The following ABCD3 variants were observed in gnomAD, a reference collection of about 807,000 sequenced individuals.
The protein encoded by ABCD3 is ATP binding cassette subfamily D member 3, also known as ATP-binding cassette sub-family D member 3.
Under a neutral mutation model 105.5 loss-of-function variants are expected in ABCD3, and 41 were observed. That is an observed-to-expected ratio of 0.39 (90% CI 0.30 to 0.50). ABCD3 has a LOEUF of 0.50. ABCD3 is among the 20% of genes least tolerant of loss of function. ABCD3 has a pLI of 0.84. For synonymous variants in ABCD3, 258 were observed against 269.0 expected, an observed-to-expected ratio of 0.96 and a Z score of 0.40; for missense variants, 622 against 806.3, an observed-to-expected ratio of 0.77 and a Z score of 2.77.
chr1:94,428,165 T>G (rs1416038224), intron 1 of ABCD3, among the ~76,000 whole-genome samples: 2 of 152,074 alleles, frequency 1.3e-5, no homozygotes, highest in Non-Finnish European at 2.9e-5. Context: ...TTTGCTAGAT[T>G]AGCAGGCCCG....
At chr1:94,415,222 G>C (rs947140175), upstream of ABCD3, among the ~76,000 whole-genome samples, 109 of 152,270 alleles carry the variant, frequency 7.2e-4, no homozygotes, top group African/African-American at 2.5e-3. Flanking sequence ...TCTGATGTGA[G>C]GGAAATTCCA....
intron 1 of ABCD3, among the ~76,000 whole-genome samples, chr1:94,457,782 G>GT (rs2100958238): frequency 6.6e-6 from 1 of 152,236 alleles, no homozygotes; most frequent in African/African-American, 2.4e-5. Flanking sequence ...GCTTGCATCA[G>GT]TTTGAGTTCT....
the ABCD3 span, among the ~76,000 whole-genome samples, chr1:94,411,732 A>AAC: frequency 1.3e-5 from 2 of 152,222 alleles, no homozygotes; most frequent in Non-Finnish European, 2.9e-5. Flanking sequence ...ACCAAAAGGT[A>AAC]GAAACAACCC....
At chr1:94,474,741 A>T (rs1570792786) in intron 5 of ABCD3, among the ~76,000 whole-genome samples, 1 of 151,902 alleles carries the variant, frequency 6.6e-6, no homozygotes, top group East Asian at 1.9e-4. Context: ...TTTTTTAACA[A>T]ATGCAAATAT....
the ABCD3 span, among the ~76,000 whole-genome samples, chr1:94,403,011 A>G: frequency 7.8e-6 from 1 of 128,652 alleles, no homozygotes; most frequent in Non-Finnish European, 1.6e-5. Flanking sequence ...TGTCCATGTG[A>G]TCTCATTGTT....
chr1:94,427,722 GC>G lies in ABCD3; in HGVS notation c.110+9136del, dbSNP rs564588865. Among the ~76,000 whole-genome samples the G allele has an allele frequency of 2.6e-5, 4 of 152,284 alleles. No homozygotes were observed. In the South Asian group the frequency reaches 8.3e-4, roughly 32 times the overall value. The stretch of plus-strand genomic sequence containing the variant: ...ATTTCTGGTCTCCAAGCGATCGCCT[GC>G]CTTGTTCTCCCAAAAGTATCAGGAT... On this transcript the variant is annotated intron_variant, in intron 1 of 22. Transcript: ENST00000370214.
chr1:94,391,377 G>A, the ABCD3 span, among the ~76,000 whole-genome samples: 1 of 152,108 alleles, frequency 6.6e-6, no homozygotes, highest in Admixed American at 6.5e-5. Context: ...TCGTCAGAAT[G>A]CCCTGACTTG....
At chr1:94,432,307 C>G (rs1363931080) in intron 1 of ABCD3, among the ~76,000 whole-genome samples, 1 of 152,056 alleles carries the variant, frequency 6.6e-6, no homozygotes, top group East Asian at 1.9e-4. Flanking sequence ...CTGGTTGTTA[C>G]CTGGGAGGGT....
chr1:94,412,966 A>G, the ABCD3 span, among the ~76,000 whole-genome samples: 1 of 152,148 alleles, frequency 6.6e-6, no homozygotes, highest in Non-Finnish European at 1.5e-5. Flanking sequence ...TACTTTTAGA[A>G]AAATTAACCA....
At chr1:94,465,697 A>G (rs1570780175) in intron 3 of ABCD3, among the ~76,000 whole-genome samples, 1 of 152,228 alleles carries the variant, frequency 6.6e-6, no homozygotes, top group South Asian at 2.1e-4. Context: ...ATCTGGATTC[A>G]TCAGTTATTT....
At chr1:94,396,129 G>A in the ABCD3 span, among the ~76,000 whole-genome samples, 9 of 152,094 alleles carry the variant, frequency 5.9e-5, no homozygotes, top group Non-Finnish European at 1.5e-5. Context: ...CTGTGGTTAA[G>A]AACTCAAACA....
At chr1:94,475,518 A>G (rs1036789461) in intron 6 of ABCD3, 96 bp from the exon 7 acceptor site, 7 of 1,317,086 alleles carry the variant, frequency 5.3e-6, no homozygotes, top group Non-Finnish European at 7.5e-6. Flanking sequence ...TTTTGTTTCT[A>G]TGTATTTGAG....
chr1:94,513,143 T>C (rs920776594), intron 21 of ABCD3, among the ~76,000 whole-genome samples: 1 of 152,148 alleles, frequency 6.6e-6, no homozygotes, highest in Non-Finnish European at 1.5e-5. Context: ...GATTTTATCT[T>C]GTTAATGATT....
chr1:94,494,880 G>C (rs1451279926), intron 16 of ABCD3, among the ~76,000 whole-genome samples: 1 of 151,952 alleles, frequency 6.6e-6, no homozygotes, highest in African/African-American at 2.4e-5. Context: ...GGAGTTTGAG[G>C]CCAGCCTGGG....
intron 1 of ABCD3, among the ~76,000 whole-genome samples, chr1:94,434,346 C>T (rs1027383621): frequency 6.6e-6 from 1 of 151,312 alleles, no homozygotes; most frequent in African/African-American, 2.4e-5. Flanking sequence ...TTATAGTTAA[C>T]TTTTTTTTTA....
intron 3 of ABCD3, among the ~76,000 whole-genome samples, chr1:94,465,750 G>A (rs1291865217): frequency 8.5e-5 from 13 of 152,204 alleles, no homozygotes; most frequent in South Asian, 2.1e-4. Flanking sequence ...TGTATAATTC[G>A]TTCCTTTGCT....
rs4148063 is a variant in ABCD3, at chr1:94,517,228, T to TA, written c.*110dup. The stretch of plus-strand genomic sequence containing the variant: ...AAATAAAGTTGAGCTTAGTTTTTTT[T>TA]AAAAAAAAAAACAAAGCAACAAATT... On this transcript the variant is annotated 3_prime_UTR_variant, in exon 23 of 23. Transcript: ENST00000370214. The TA allele has an allele frequency of 0.031, 22,397 of 729,590 alleles. 4 individuals carry two copies. Among genetic ancestry groups the TA allele is most frequent in the Non-Finnish European group, 0.035 (15,994 of 452,472 alleles). The allele number at this position is 729,590 out of a possible 1,614,324, so 45.2% of individuals were successfully genotyped here. A position where few individuals can be genotyped will look rare whatever the true frequency, so the allele number is the denominator to read the frequency against.
At chr1:94,489,545 C>T (rs1173972813) in intron 13 of ABCD3, among the ~76,000 whole-genome samples, 180 bp from the exon 14 acceptor site, 1 of 150,318 alleles carries the variant, frequency 6.7e-6, no homozygotes, top group African/African-American at 2.5e-5. Flanking sequence ...CCCTATATTC[C>T]TGCTCTCCTA....
the ABCD3 span, among the ~76,000 whole-genome samples, chr1:94,404,146 A>G: frequency 1.3e-5 from 2 of 151,938 alleles, no homozygotes; most frequent in African/African-American, 4.8e-5. Flanking sequence ...GTTTTCTCCT[A>G]CTCCATAATT....
Sources: gnomAD v4.1 joint callset for allele counts (sites outside exome capture counted in the v4.1 genomes callset) on GRCh38, gnomAD v4.1.1 for gene constraint, MANE v1.5 for transcripts, NCBI Gene and HGNC (gene_info 2026-07-23, HGNC 2026-07-21) for gene names.